The following TMEM220 variants were observed in gnomAD, a reference collection of about 807,000 sequenced individuals.
The protein encoded by TMEM220 is transmembrane protein 220.
Under a neutral mutation model 21.7 loss-of-function variants are expected in TMEM220, and 21 were observed. The ratio of observed to expected loss-of-function variants is 0.97; its 90% CI spans 0.69 to 1.39. TMEM220 has a LOEUF of 1.39. TMEM220 is among the 40% of genes most tolerant of loss of function. TMEM220 has a pLI of 0.00. For synonymous variants in TMEM220, 80 were observed against 73.6 expected (o/e 1.09, Z -0.45); for missense variants, 191 against 201.9 (o/e 0.95, Z 0.33).
chr17:10,729,997 C>T lies in TMEM220; in HGVS notation c.-146G>A, dbSNP rs2075110064. 2 of 1,075,276 alleles carry T rather than the reference C, an allele frequency of 1.9e-6. No individual in the cohort carries two copies. The allele number at this position is 1,075,276 out of a possible 1,614,324, so 66.6% of individuals were successfully genotyped here. ...GCCTTGGGGACACTGCCGTGGCCGT[C>T]GCTCCGCCCGGGGGCGGGGAGCGAA... is the stretch of plus-strand genomic sequence containing the variant. On this transcript the variant is annotated 5_prime_UTR_variant, in exon 1 of 6. Transcript: ENST00000341871.
At chr17:10,725,844 A>C (rs1216194282) in intron 3 of TMEM220, among the ~76,000 whole-genome samples, 1 of 152,204 alleles carries the variant, frequency 6.6e-6, no homozygotes, top group Non-Finnish European at 1.5e-5. Context: ...CTAGCTGCCT[A>C]TACAAGGAGC....
rs2074871552 is a variant in TMEM220 at position 10,713,554 on chromosome 17, G to A, written c.*1899C>T. ...CCACAGGGAATTTGCAAATGAGTCTGTTTTTTTTTTGCATGTGACTTCAGT... is the reference window on the plus strand; with the variant it reads ...CCACAGGGAATTTGCAAATGAGTCTATTTTTTTTTTGCATGTGACTTCAGT... On this transcript the variant is annotated 3_prime_UTR_variant, in exon 6 of 6. Transcript: ENST00000341871. 1 of 108,368 alleles carries A rather than the reference G, an allele frequency of 9.2e-6. No homozygotes were observed. Among genetic ancestry groups the A allele is most frequent in the Non-Finnish European group, 1.9e-5 (1 of 53,554 alleles). 6.7% of individuals were successfully genotyped at this position (108,368 alleles called of 1,614,324 possible).
At position 10,713,932 on chromosome 17, in the gene TMEM220, A is replaced by C. The variant is rs2074876238; in HGVS notation, c.*1521T>G. 1 of 152,216 alleles carries C rather than the reference A, an allele frequency of 6.6e-6. No individual in the cohort carries two copies. Among genetic ancestry groups the C allele is most frequent in the South Asian group, 2.1e-4 (1 of 4,834 alleles). The allele number at this position is 152,216 out of a possible 1,614,324, so 9.4% of individuals were successfully genotyped here. A position where few individuals can be genotyped will look rare whatever the true frequency, so the allele number is the denominator to read the frequency against. ...GGCACTACTCGTTCTTTTTGAGTGA[A>C]GTATTTCCCAGATCTCTTTCCTAGA... On this transcript the variant is annotated 3_prime_UTR_variant, in exon 6 of 6. Transcript: ENST00000341871.
At chr17:10,727,825 T>C (rs1399435056) in intron 2 of TMEM220, among the ~76,000 whole-genome samples, 1 of 152,128 alleles carries the variant, frequency 6.6e-6, no homozygotes, top group East Asian at 1.9e-4. Flanking sequence ...TGTGTATCTA[T>C]ATTGAGAGAA....
chr17:10,715,690 T>G, intron 5 of TMEM220, 102 bp from the exon 6 acceptor site: 1 of 809,950 alleles, frequency 1.2e-6, no homozygotes, highest in Non-Finnish European at 1.8e-6. Context: ...TTTAGTATGT[T>G]CTCATCTCAG....
chr17:10,716,364 A>C (rs188709860), intron 5 of TMEM220: 2 of 642,902 alleles, frequency 3.1e-6, no homozygotes, highest in Non-Finnish European at 6.0e-6. Flanking sequence ...TATGTACATA[A>C]GCCTCTTTTC....
intron 4 of TMEM220, 129 bp downstream of exon 4, chr17:10,724,882 C>T: frequency 3.1e-6 from 4 of 1,277,596 alleles, no homozygotes; most frequent in Non-Finnish European, 4.4e-6. Flanking sequence ...GAAGATAATA[C>T]CTTGCCTCCT....
rs1247752348 is a variant in TMEM220 at position 10,729,933 on chromosome 17, C to T, written c.-82G>A. ...CTGCCACGTACGGTCCGCCTTCCTC[C>T]TTGCGCGGAGGGACCGAGACCCCCG... is the stretch of plus-strand genomic sequence containing the variant. On this transcript the variant is annotated 5_prime_UTR_variant, in exon 1 of 6. Transcript: ENST00000341871. 8.1e-7 allele frequency: 1 copy of T among 1,234,734 alleles called. No homozygotes were observed. The highest frequency in any genetic ancestry group is 1.0e-6 in the Non-Finnish European group (1 of 988,390). 76.5% of individuals were successfully genotyped at this position (1,234,734 alleles called of 1,614,324 possible).
At position 10,725,010 on chromosome 17, in the gene TMEM220, C is replaced by T; in HGVS notation, c.287+1G>A. 9 of 1,614,168 alleles carry T rather than the reference C, an allele frequency of 5.6e-6. No individual in the cohort carries two copies. The highest frequency in any genetic ancestry group is 7.6e-6 in the Non-Finnish European group (9 of 1,180,024). Reference sequence around the variant, plus strand: ...TCCACAGGGTAACCGTCACCGCTCACCTGCCTTCTTCCTCATGTAAGATGT... The same window carrying T: ...TCCACAGGGTAACCGTCACCGCTCATCTGCCTTCTTCCTCATGTAAGATGT... On this transcript the variant is annotated splice_donor_variant, in intron 4 of 5. Coordinates refer to ENST00000341871, the MANE Select transcript of TMEM220 (RefSeq NM_001004313.3). LOFTEE classifies it high-confidence loss of function.
intron 4 of TMEM220, 150 bp from the exon 5 acceptor site, chr17:10,723,479 C>G: frequency 1.5e-6 from 1 of 662,688 alleles, no homozygotes; most frequent in Non-Finnish European, 2.7e-6. Flanking sequence ...ATTTTCAAAT[C>G]TGACCATGAT....
rs553428298 is a variant in TMEM220 at position 10,715,491 on chromosome 17, G to A, written c.445C>T (p.Arg149Trp). The change falls in exon 6 of 6, where the codon CGG (arginine) becomes TGG (tryptophan). Residue 149 changes from arginine to tryptophan, a missense_variant. Arg to Trp is a moderately radical substitution (Grantham distance 101). Coordinates refer to ENST00000341871, the MANE Select transcript of TMEM220 (RefSeq NM_001004313.3). ...TTGCAGTGAGTTGGCCAAGAGGACC[G>A]CATTTCCTTGTTAATATATATGTAG... ...WVYIYINKEM[R>W]SSWPTHCKTV... 20 of 1,599,920 alleles carry A rather than the reference G, an allele frequency of 1.3e-5. No individual in the cohort carries two copies. Among genetic ancestry groups the A allele is most frequent in the Admixed American group, 3.6e-5 (2 of 55,606 alleles).
At chr17:10,724,805 A>T (rs992257653) in intron 4 of TMEM220, among the ~76,000 whole-genome samples, 1 of 152,190 alleles carries the variant, frequency 6.6e-6, no homozygotes. Context: ...GTGATAATGA[A>T]GCCTGATAGA....
chr17:10,730,009 G>C lies in TMEM220; in HGVS notation c.-158C>G. ...CTGCCGTGGCCGTCGCTCCGCCCGG[G>C]GGCGGGGAGCGAAGGGCGTGGGTGT... On this transcript the variant is annotated 5_prime_UTR_variant, in exon 1 of 6. Transcript: ENST00000341871. 3 of 1,221,892 alleles carry C rather than the reference G, an allele frequency of 2.5e-6. No individual in the cohort carries two copies. The highest frequency in any genetic ancestry group is 3.1e-6 in the Non-Finnish European group (3 of 981,092). The allele number at this position is 1,221,892 out of a possible 1,614,324, so 75.7% of individuals were successfully genotyped here.
chr17:10,718,149 T>C (rs1352282720), intron 5 of TMEM220, among the ~76,000 whole-genome samples: 1 of 152,186 alleles, frequency 6.6e-6, no homozygotes, highest in East Asian at 1.9e-4. Context: ...TTAATAGTTA[T>C]GGGACTGTTC....
intron 5 of TMEM220, chr17:10,716,306 T>C (rs1012569221): frequency 2.4e-5 from 16 of 659,786 alleles, no homozygotes; most frequent in Admixed American, 7.3e-5. Flanking sequence ...TCCTCTTTGG[T>C]AATTTCACTG....
intron 4 of TMEM220, 37 bp from the exon 5 acceptor site, chr17:10,723,366 C>T (rs1597530445): frequency 6.4e-7 from 1 of 1,557,214 alleles, no homozygotes; most frequent in Non-Finnish European, 8.9e-7. Context: ...TTGGAAGTGG[C>T]TACAAGTGAG....
At chr17:10,719,768 GGCAAAGTATACTTTGCATAA>G (rs2074966418) in intron 5 of TMEM220, among the ~76,000 whole-genome samples, 1 of 152,178 alleles carries the variant, frequency 6.6e-6, no homozygotes, top group South Asian at 2.1e-4. Context: ...ACTTTTTCAT[GGCAAAGTATACTTTGCATAA>G]GCAAAGTTAA....
downstream of TMEM220, chr17:10,711,363 G>GT: frequency 1.9e-6 from 1 of 524,148 alleles, no homozygotes; most frequent in Non-Finnish European, 3.4e-6. Context: ...TGAGGCAGGG[G>GT]TGTATAGTCC....
rs1304660283 is a variant in TMEM220 at position 10,715,136 on chromosome 17, C to A, written c.*317G>T. 4.9e-6 allele frequency: 1 copy of A among 202,402 alleles called. No homozygotes were observed. The highest frequency in any genetic ancestry group is 9.8e-6 in the Non-Finnish European group (1 of 101,788). 12.5% of individuals were successfully genotyped at this position (202,402 alleles called of 1,614,324 possible). On this transcript the variant is annotated 3_prime_UTR_variant, in exon 6 of 6. Coordinates refer to ENST00000341871, the MANE Select transcript of TMEM220 (RefSeq NM_001004313.3). Reference sequence around the variant, plus strand: ...ATCCTATTTTATAGATAAATATCCACCAGGAGGTTTATATATTTGCCCAAA... The same window carrying A: ...ATCCTATTTTATAGATAAATATCCAACAGGAGGTTTATATATTTGCCCAAA...
Sources: gnomAD v4.1 joint callset for allele counts (sites outside exome capture counted in the v4.1 genomes callset) on GRCh38, gnomAD v4.1.1 for gene constraint, MANE v1.5 for transcripts, NCBI Gene and HGNC (gene_info 2026-07-23, HGNC 2026-07-21) for gene names.